Variants in NAALADL2 observed in about 807,000 individuals in gnomAD.
NAALADL2 encodes the protein inactive N-acetylated-alpha-linked acidic dipeptidase-like protein 2.
In NAALADL2, 76 loss-of-function variants were observed where a neutral mutation model predicts 87.2. The observed-to-expected ratio is 0.87, with a 90% CI of 0.72 to 1.05. The LOEUF is 1.05. NAALADL2 is among the 50% of genes least tolerant of loss of function. The pLI is 0.00. For missense variants in NAALADL2, 1,089 were observed against 945.8 expected (o/e 1.15, Z -1.99); for synonymous variants, 354 against 331.0 (o/e 1.07, Z -0.75).
chr3:175,483,548 G>A (rs999509072), intron 9 of NAALADL2, among the ~76,000 whole-genome samples: 1 of 151,654 alleles, frequency 6.6e-6, no homozygotes, highest in African/African-American at 2.4e-5. Context: ...CCTCAAGTCA[G>A]CCATGCTCAG....
chr3:174,629,543 T>G (rs1721907923), intron 2 of NAALADL2, among the ~76,000 whole-genome samples: 1 of 152,224 alleles, frequency 6.6e-6, no homozygotes, highest in African/African-American at 2.4e-5. Flanking sequence ...ATAATACATT[T>G]GAAGTTGTAA....
intron 2 of NAALADL2, among the ~76,000 whole-genome samples, chr3:175,233,604 G>A (rs1398307965): frequency 6.6e-6 from 1 of 152,026 alleles, no homozygotes; most frequent in Non-Finnish European, 1.5e-5. Flanking sequence ...AGGACATCAG[G>A]CTAATTTATT....
chr3:175,158,479 T>C (rs1732650957), intron 2 of NAALADL2, among the ~76,000 whole-genome samples: 1 of 152,092 alleles, frequency 6.6e-6, no homozygotes, highest in South Asian at 2.1e-4. Flanking sequence ...TGTTTGAAAA[T>C]TGGGGAATAG....
intron 5 of NAALADL2, among the ~76,000 whole-genome samples, chr3:175,440,835 C>T (rs561070617): frequency 1.4e-4 from 22 of 152,190 alleles, no homozygotes; most frequent in East Asian, 3.9e-4. Context: ...CAGCAAAGGG[C>T]GACAGTTGGC....
At chr3:174,501,219 C>A (rs1291800984) in intron 1 of NAALADL2, among the ~76,000 whole-genome samples, 2 of 146,622 alleles carry the variant, frequency 1.4e-5, no homozygotes, top group East Asian at 2.0e-4. Flanking sequence ...GCTGGGACTA[C>A]AGGCGCCCGC....
At chr3:174,982,437 A>C (rs1158856491) in intron 1 of NAALADL2, among the ~76,000 whole-genome samples, 1 of 152,166 alleles carries the variant, frequency 6.6e-6, no homozygotes. Context: ...AGGATTCATT[A>C]TTGAAGATTT....
chr3:174,512,341 GAT>G (rs1719656615), intron 1 of NAALADL2, among the ~76,000 whole-genome samples: 1 of 152,070 alleles, frequency 6.6e-6, no homozygotes, highest in African/African-American at 2.4e-5. Flanking sequence ...TCTTGTAGAT[GAT>G]ATGTCTTTTT....
In NAALADL2 at chr3:174,611,658, C is replaced by G. The variant is rs907794077; in HGVS notation, c.-115+61021C>G. On this transcript the variant is annotated intron_variant, in intron 2 of 3. Transcript: ENST00000434257. ...CCAGGCTGGAGAGCAGTGGTGTGAT[C>G]TCGGCTCGCTGCAACCTCTGCCTCC... Among the ~76,000 whole-genome samples, 7 of 151,462 alleles carry G rather than the reference C, an allele frequency of 4.6e-5. No homozygotes were observed. In the East Asian group the frequency reaches 1.4e-3, roughly 30 times the overall value.
At chr3:175,780,101 T>A (rs1220600447) in intron 13 of NAALADL2, among the ~76,000 whole-genome samples, 1 of 148,900 alleles carries the variant, frequency 6.7e-6, no homozygotes, top group African/African-American at 2.5e-5. Flanking sequence ...ACCCTGTCTC[T>A]ACTAAAAATA....
chr3:175,391,853 A>G (rs1769114187), intron 5 of NAALADL2, among the ~76,000 whole-genome samples: 1 of 152,074 alleles, frequency 6.6e-6, no homozygotes, highest in Admixed American at 6.6e-5. Flanking sequence ...GGATTATACT[A>G]GATGCTCAAT....
At chr3:175,231,444 T>C (rs1744927837) in intron 2 of NAALADL2, among the ~76,000 whole-genome samples, 1 of 152,158 alleles carries the variant, frequency 6.6e-6, no homozygotes, top group Non-Finnish European at 1.5e-5. Context: ...ACTGTATACA[T>C]TTTTTCACTC....
chr3:175,237,745 G>A (rs78177728), intron 3 of NAALADL2, among the ~76,000 whole-genome samples: 26,979 of 152,004 alleles, frequency 0.18, 2,591 homozygotes, highest in East Asian at 0.29. Context: ...ACTAATGCAC[G>A]TGTGTATGTA....
At chr3:175,382,996 T>C (rs543400473) in intron 5 of NAALADL2, among the ~76,000 whole-genome samples, 3 of 152,228 alleles carry the variant, frequency 2.0e-5, no homozygotes, top group Non-Finnish European at 4.4e-5. Context: ...AAGATCCCAT[T>C]TAAGTTAATA....
At chr3:174,917,053 C>T (rs1734515995) in intron 1 of NAALADL2, among the ~76,000 whole-genome samples, 1 of 151,996 alleles carries the variant, frequency 6.6e-6, no homozygotes, top group African/African-American at 2.4e-5. Flanking sequence ...TCATTGGAAA[C>T]TTTATTTGTT....
At chr3:174,633,234 T>C (rs1722322074) in intron 2 of NAALADL2, among the ~76,000 whole-genome samples, 1 of 152,160 alleles carries the variant, frequency 6.6e-6, no homozygotes, top group Admixed American at 6.5e-5. Flanking sequence ...TTGTTTCAGA[T>C]ACATTTATGT....
intron 3 of NAALADL2, among the ~76,000 whole-genome samples, chr3:175,252,988 A>T (rs879339435): frequency 1.3e-5 from 2 of 152,216 alleles, no homozygotes; most frequent in African/African-American, 2.4e-5. Flanking sequence ...TCTCCATGAC[A>T]TAAAAGTACA....
At chr3:174,530,457 C>T (rs1031081067) in intron 1 of NAALADL2, among the ~76,000 whole-genome samples, 1 of 152,152 alleles carries the variant, frequency 6.6e-6, no homozygotes, top group African/African-American at 2.4e-5. Context: ...TCCACATTTT[C>T]GGATATCTTT....
chr3:174,988,601 G>A (rs1340502503), intron 1 of NAALADL2, among the ~76,000 whole-genome samples: 6 of 152,122 alleles, frequency 3.9e-5, no homozygotes, highest in Non-Finnish European at 7.4e-5. Context: ...TGTTGGCAGA[G>A]CCATATTCCC....
intron 1 of NAALADL2, among the ~76,000 whole-genome samples, chr3:174,478,584 A>G (rs980652534): frequency 6.6e-6 from 1 of 152,126 alleles, no homozygotes; most frequent in African/African-American, 2.4e-5. Flanking sequence ...TATGTACTAG[A>G]TATCAGTTGG....
Sources: gnomAD v4.1 joint callset for allele counts (sites outside exome capture counted in the v4.1 genomes callset) on GRCh38, gnomAD v4.1.1 for gene constraint, MANE v1.5 for transcripts, NCBI Gene and HGNC (gene_info 2026-07-23, HGNC 2026-07-21) for gene names.